Variants in HNF4G observed in about 807,000 individuals in gnomAD.
The protein encoded by HNF4G is hepatocyte nuclear factor 4 gamma.
HNF4G carries 21 observed loss-of-function variants against 50.9 expected under a neutral mutation model. The observed-to-expected ratio is 0.41, with a 90% CI of 0.29 to 0.59. The LOEUF (loss-of-function observed/expected upper bound fraction) is 0.59. Ranked by LOEUF, HNF4G falls within the 20% of genes least tolerant of loss-of-function variation. HNF4G has a pLI of 0.26. For synonymous variants in HNF4G, 198 were observed against 185.6 expected, an observed-to-expected ratio of 1.07 and a Z score of -0.54; for missense variants, 527 against 559.4, an observed-to-expected ratio of 0.94 and a Z score of 0.58.
chr8:75,513,636 A>G (rs1049410846), intron 2 of HNF4G, among the ~76,000 whole-genome samples: 19 of 152,034 alleles, frequency 1.2e-4, no homozygotes, highest in Middle Eastern at 3.5e-3. Flanking sequence ...TTACTATTTT[A>G]TATCTATTGT....
chr8:75,502,697 A>G (rs1459151556), intron 2 of HNF4G, among the ~76,000 whole-genome samples: 1 of 152,206 alleles, frequency 6.6e-6, no homozygotes, highest in Non-Finnish European at 1.5e-5. Context: ...ATTATGATAT[A>G]TTGTTGGAGT....
chr8:75,562,434 A>C (rs1244372707), intron 9 of HNF4G, among the ~76,000 whole-genome samples: 2 of 152,188 alleles, frequency 1.3e-5, no homozygotes, highest in African/African-American at 4.8e-5. Flanking sequence ...TCCTTGCAGA[A>C]TAGATCTTAC....
intron 9 of HNF4G, among the ~76,000 whole-genome samples, chr8:75,562,740 A>G (rs1034673636): frequency 1.3e-5 from 2 of 152,154 alleles, no homozygotes; most frequent in Admixed American, 1.3e-4. Flanking sequence ...TTCTTTCCAC[A>G]TACTATTTGT....
At chr8:75,477,436 T>C (rs1265772503) in intron 1 of HNF4G, among the ~76,000 whole-genome samples, 1 of 152,076 alleles carries the variant, frequency 6.6e-6, no homozygotes, top group Admixed American at 6.5e-5. Context: ...TGTACAGAAA[T>C]TGAAGAACAG....
At chr8:75,409,540 G>C (rs1810447392) in intron 1 of HNF4G, among the ~76,000 whole-genome samples, 1 of 125,526 alleles carries the variant, frequency 8.0e-6, no homozygotes, top group African/African-American at 3.1e-5. Flanking sequence ...CCAGGCTAGA[G>C]TATAGTGGCA....
At chr8:75,423,665 C>T (rs1305907786) in intron 1 of HNF4G, among the ~76,000 whole-genome samples, 2 of 151,928 alleles carry the variant, frequency 1.3e-5, no homozygotes. Flanking sequence ...GCTGGGATTA[C>T]AGGCGTGAGC....
At chr8:75,410,238 C>G (rs530849042) in intron 1 of HNF4G, among the ~76,000 whole-genome samples, 2 of 152,176 alleles carry the variant, frequency 1.3e-5, no homozygotes, top group South Asian at 4.1e-4. Context: ...ATTGTTGGCA[C>G]CAGGGAGATG....
At position 75,533,064 on chromosome 8, in the gene HNF4G, T is replaced by C. The variant is rs541601285; in HGVS notation, c.-23-10747T>C. On this transcript the variant is annotated intron_variant, in intron 2 of 10. Coordinates refer to the HNF4G transcript ENST00000354370. ...TTTTCATGTAGAAATACCCAGTCAC[T>C]AGAAAAGCATTTGACACATAAAATG... is the stretch of plus-strand genomic sequence containing the variant. 2.6e-5 allele frequency among the ~76,000 whole-genome samples: 4 copies of C among 152,142 alleles called. No homozygotes were observed. The East Asian group carries it at 7.7e-4, about 29-fold the overall frequency.
At chr8:75,561,877 T>C (rs1807321114) in intron 9 of HNF4G, among the ~76,000 whole-genome samples, 1 of 152,224 alleles carries the variant, frequency 6.6e-6, no homozygotes, top group Non-Finnish European at 1.5e-5. Context: ...TCTATTATTG[T>C]AGCTTTCATG....
At chr8:75,540,141 A>G in intron 1 of HNF4G, 61 bp downstream of exon 1, 1 of 976,494 alleles carries the variant, frequency 1.0e-6, no homozygotes, top group Non-Finnish European at 1.6e-6. Context: ...AAGGTGGAAG[A>G]CTGAGCTTCC....
In HNF4G at chr8:75,469,230, C is replaced by T. The variant is rs57818063; in HGVS notation, c.-143-20859C>T. On this transcript the variant is annotated intron_variant, in intron 1 of 10. Coordinates refer to the HNF4G transcript ENST00000354370. ...TGCAAGCAATTACATTATGTTCATT[C>T]GCATTTCCTTAGTCAAAGCGGTTTC... Among the ~76,000 whole-genome samples, 212 of 152,194 alleles carry T rather than the reference C, an allele frequency of 1.4e-3. 3 individuals are homozygous for T. Among genetic ancestry groups the T allele is most frequent in the African/African-American group, 5.0e-3 (208 of 41,532 alleles).
At chr8:75,414,358 A>G (rs1280108418) in intron 1 of HNF4G, among the ~76,000 whole-genome samples, 2 of 146,514 alleles carry the variant, frequency 1.4e-5, no homozygotes, top group South Asian at 2.1e-4. Context: ...TTTGGGGGAG[A>G]AAAAAAAACC....
chr8:75,499,972 A>G (rs900087226), intron 2 of HNF4G, among the ~76,000 whole-genome samples: 8 of 152,148 alleles, frequency 5.3e-5, no homozygotes, highest in Non-Finnish European at 1.0e-4. Flanking sequence ...GTATTAGGCA[A>G]TGGACTATTA....
At chr8:75,534,674 A>G (rs769901760) in intron 2 of HNF4G, among the ~76,000 whole-genome samples, 8 of 151,908 alleles carry the variant, frequency 5.3e-5, no homozygotes, top group Non-Finnish European at 5.9e-5. Context: ...AAATTCTGCT[A>G]TTTCACAAGG....
chr8:75,447,640 C>A (rs1288543860), intron 1 of HNF4G, among the ~76,000 whole-genome samples: 1 of 152,168 alleles, frequency 6.6e-6, no homozygotes, highest in Non-Finnish European at 1.5e-5. Context: ...ACAGACACTT[C>A]TCAAAAGAAT....
At chr8:75,431,660 G>A (rs764516515) in intron 1 of HNF4G, among the ~76,000 whole-genome samples, 1 of 152,162 alleles carries the variant, frequency 6.6e-6, no homozygotes, top group Non-Finnish European at 1.5e-5. Flanking sequence ...CGGCACAGTG[G>A]CTCACGCCTG....
At chr8:75,517,762 C>T (rs1449578822) in intron 2 of HNF4G, among the ~76,000 whole-genome samples, 2 of 152,074 alleles carry the variant, frequency 1.3e-5, no homozygotes, top group African/African-American at 4.8e-5. Flanking sequence ...GCAAGTCTAC[C>T]ATTCTGGGGT....
At chr8:75,435,099 C>CA (rs1369870302) in intron 1 of HNF4G, among the ~76,000 whole-genome samples, 8 of 152,134 alleles carry the variant, frequency 5.3e-5, no homozygotes, top group Non-Finnish European at 1.2e-4. Context: ...CAAACCAACA[C>CA]AAAATACAAG....
intron 1 of HNF4G, among the ~76,000 whole-genome samples, chr8:75,457,290 A>C (rs34111858): frequency 3.1e-4 from 47 of 152,272 alleles, no homozygotes; most frequent in African/African-American, 1.1e-3. Context: ...GATCAGATGA[A>C]GATTTGTATT....
Sources: allele counts gnomAD v4.1 joint callset (sites outside exome capture counted in the v4.1 genomes callset), GRCh38; gene constraint gnomAD v4.1.1; transcripts MANE v1.5; gene names NCBI Gene and HGNC (gene_info 2026-07-23, HGNC 2026-07-21).